Variants in TTC39B observed in about 807,000 individuals in gnomAD.
The protein encoded by TTC39B is tetratricopeptide repeat domain 39B.
Under a neutral mutation model 96.6 loss-of-function variants are expected in TTC39B, and 92 were observed. The ratio of observed to expected loss-of-function variants is 0.95; its 90% CI spans 0.80 to 1.13. TTC39B has a LOEUF of 1.13. TTC39B is among the 50% of genes most tolerant of loss of function. TTC39B has a pLI of 0.00. For synonymous variants in TTC39B, 367 were observed against 299.4 expected, an observed-to-expected ratio of 1.23 and a Z score of -2.33; for missense variants, 955 against 809.3, an observed-to-expected ratio of 1.18 and a Z score of -2.18.
chr9:15,255,593 A>C (rs1822723168), intron 2 of TTC39B, among the ~76,000 whole-genome samples: 2 of 152,156 alleles, frequency 1.3e-5, no homozygotes, highest in Non-Finnish European at 2.9e-5. Flanking sequence ...CGTCAGAAAA[A>C]AAAAAAGGAT....
At chr9:15,240,306 G>A (rs1564379212) in intron 2 of TTC39B, among the ~76,000 whole-genome samples, 1 of 152,138 alleles carries the variant, frequency 6.6e-6, no homozygotes, top group African/African-American at 2.4e-5. Flanking sequence ...GCTGAAAAAG[G>A]CCAAAGGGCA....
intron 1 of TTC39B, among the ~76,000 whole-genome samples, chr9:15,272,272 T>C (rs1362774200): frequency 6.6e-6 from 1 of 152,186 alleles, no homozygotes; most frequent in Non-Finnish European, 1.5e-5. Context: ...GAACTAGATG[T>C]TTCCACCAAA....
At chr9:15,222,257 C>T (rs1564362254) in intron 3 of TTC39B, among the ~76,000 whole-genome samples, 1 of 152,184 alleles carries the variant, frequency 6.6e-6, no homozygotes. Flanking sequence ...GCTGGGAAAT[C>T]TGTCCTGCAT....
At chr9:15,188,112 T>G in exon 14 of TTC39B, 1 of 1,604,136 alleles carries the variant, frequency 6.2e-7, no homozygotes, top group Non-Finnish European at 8.5e-7. Context: ...CTGAAATGCA[T>G]TTTTGAAATA....
At chr9:15,180,372 T>A (rs1412842425) in intron 17 of TTC39B, among the ~76,000 whole-genome samples, 1 of 152,234 alleles carries the variant, frequency 6.6e-6, no homozygotes, top group African/African-American at 2.4e-5. Flanking sequence ...CATGTTGAAT[T>A]TAGTTAGATT....
exon 20 of TTC39B, chr9:15,165,031 CT>C (rs1417597341): frequency 6.6e-6 from 1 of 152,150 alleles, no homozygotes; most frequent in Non-Finnish European, 1.5e-5. Context: ...GAATAAATCA[CT>C]TTGGGGAAAA....
At chr9:15,294,059 A>G (rs1824285223) in intron 1 of TTC39B, among the ~76,000 whole-genome samples, 1 of 152,096 alleles carries the variant, frequency 6.6e-6, no homozygotes, top group African/African-American at 2.4e-5. Context: ...AACTCCTTTA[A>G]ATTTAATTCT....
intron 1 of TTC39B, among the ~76,000 whole-genome samples, chr9:15,286,100 C>T (rs190033379): frequency 4.7e-4 from 71 of 152,342 alleles, no homozygotes; most frequent in Non-Finnish European, 8.2e-4. Context: ...AGGATATCCT[C>T]TTACATGGCC....
At chr9:15,251,616 G>A (rs1243469073) in intron 2 of TTC39B, among the ~76,000 whole-genome samples, 4 of 148,116 alleles carry the variant, frequency 2.7e-5, no homozygotes, top group African/African-American at 9.9e-5. Flanking sequence ...CACTCTTAAT[G>A]TTTTGCAATA....
chr9:15,257,054 T>C (rs941362304), intron 2 of TTC39B, among the ~76,000 whole-genome samples: 2 of 152,216 alleles, frequency 1.3e-5, no homozygotes, highest in Non-Finnish European at 2.9e-5. Context: ...ATTTGAGCAC[T>C]GACCAGTTAC....
chr9:15,300,794 G>A (rs906692955), intron 1 of TTC39B, among the ~76,000 whole-genome samples: 4 of 144,660 alleles, frequency 2.8e-5, no homozygotes, highest in Non-Finnish European at 4.5e-5. Flanking sequence ...GCTGAGGCAG[G>A]AGAATCGGTT....
intron 17 of TTC39B, among the ~76,000 whole-genome samples, chr9:15,179,256 C>G (rs1268276929): frequency 1.3e-5 from 2 of 152,180 alleles, no homozygotes; most frequent in Non-Finnish European, 2.9e-5. Context: ...ACATTTCAGG[C>G]TGTGACAGTA....
intron 7 of TTC39B, among the ~76,000 whole-genome samples, chr9:15,202,538 C>A (rs1033679728): frequency 2.0e-5 from 3 of 151,980 alleles, no homozygotes; most frequent in Admixed American, 6.6e-5. Context: ...ATGGTGAAAC[C>A]CTGTCTCTAC....
At chr9:15,203,135 G>A (rs758536509) in intron 7 of TTC39B, among the ~76,000 whole-genome samples, 10 of 152,192 alleles carry the variant, frequency 6.6e-5, no homozygotes, top group South Asian at 2.1e-4. Context: ...TCCTCTGCCC[G>A]GGCCACTCCC....
chr9:15,238,428 A>T lies in TTC39B; in HGVS notation c.276-12416T>A, dbSNP rs1023809627. 1.1e-3 allele frequency among the ~76,000 whole-genome samples: 171 copies of T among 152,222 alleles called. 1 individual carries two copies. Among genetic ancestry groups the T allele is most frequent in the Non-Finnish European group, 2.8e-4 (19 of 68,038 alleles). On this transcript the variant is annotated intron_variant, in intron 2 of 19. Coordinates refer to ENST00000512701, the Ensembl canonical transcript of TTC39B. The stretch of plus-strand genomic sequence containing the variant: ...CCTCCAAAAGACTCCTAGATTTGAT[A>T]AACAACTTCAGTAAAGATACAAAAT...
chr9:15,181,155 T>TA (rs1818228958), intron 17 of TTC39B, among the ~76,000 whole-genome samples: 2 of 152,184 alleles, frequency 1.3e-5, no homozygotes, highest in South Asian at 4.1e-4. Flanking sequence ...CTTGCTCAAA[T>TA]AGACAGTAGG....
chr9:15,244,701 T>A (rs1042754462), intron 2 of TTC39B, among the ~76,000 whole-genome samples: 3 of 152,224 alleles, frequency 2.0e-5, no homozygotes, highest in African/African-American at 7.2e-5. Flanking sequence ...TAATGCTTCC[T>A]GCAGTCATGG....
chr9:15,221,913 A>T (rs559360410), intron 3 of TTC39B, among the ~76,000 whole-genome samples: 2 of 152,314 alleles, frequency 1.3e-5, no homozygotes, highest in East Asian at 3.8e-4. Context: ...ATTGCCCAAT[A>T]TGTCTCTAAT....
At chr9:15,204,834 G>A (rs1039882105) in intron 6 of TTC39B, among the ~76,000 whole-genome samples, 1 of 152,164 alleles carries the variant, frequency 6.6e-6, no homozygotes, top group Non-Finnish European at 1.5e-5. Context: ...ACAAAAAGGG[G>A]TTAGGTGGGG....
Sources: gnomAD v4.1 joint callset for allele counts (sites outside exome capture counted in the v4.1 genomes callset) on GRCh38, gnomAD v4.1.1 for gene constraint, MANE v1.5 for transcripts, NCBI Gene and HGNC (gene_info 2026-07-23, HGNC 2026-07-21) for gene names.